The following VPS8 variants were observed in gnomAD, a reference collection of about 807,000 sequenced individuals.
VPS8 encodes the protein vacuolar protein sorting-associated protein 8 homolog.
VPS8 carries 129 observed loss-of-function variants against 216.4 expected under a neutral mutation model. That is an observed-to-expected ratio of 0.60 (90% CI 0.52 to 0.69). VPS8 has a LOEUF of 0.69. VPS8 is among the 30% of genes least tolerant of loss of function. The probability of loss-of-function intolerance (pLI) is 0.00; values close to 1 mark genes in which losing one functional copy is unlikely to be tolerated. For synonymous variants in VPS8, 571 were observed against 565.4 expected (o/e 1.01, Z -0.14); for missense variants, 1,531 against 1,683.5 (o/e 0.91, Z 1.59).
At chr3:184,964,817 A>C (rs1393291019) in intron 38 of VPS8, among the ~76,000 whole-genome samples, 7 of 152,182 alleles carry the variant, frequency 4.6e-5, no homozygotes, top group Admixed American at 4.6e-4. Flanking sequence ...TATATACCAC[A>C]ATCTGTTTGC....
chr3:184,930,725 A>T lies in VPS8; in HGVS notation c.2898+157A>T, dbSNP rs150358568. 9.4e-4 allele frequency among the ~76,000 whole-genome samples: 143 copies of T among 152,360 alleles called. 1 individual carries two copies. The highest frequency in any genetic ancestry group is 3.3e-3 in the African/African-American group (138 of 41,596). Reference sequence around the variant, plus strand: ...ATTATTCTACCTCATATTTGTATTCATAAAGTCTGTGTCACATGCAATCTA... The same window carrying T: ...ATTATTCTACCTCATATTTGTATTCTTAAAGTCTGTGTCACATGCAATCTA... On this transcript the variant is annotated intron_variant, in intron 34 of 47. Coordinates refer to ENST00000625842, the MANE Select transcript of VPS8 (RefSeq NM_001009921.3).
At chr3:185,025,081 C>G (rs115070696) in intron 46 of VPS8, among the ~76,000 whole-genome samples, 25 of 152,230 alleles carry the variant, frequency 1.6e-4, no homozygotes, top group African/African-American at 5.8e-4. Flanking sequence ...GAGATAGTAA[C>G]AGCACATAAG....
intron 22 of VPS8, among the ~76,000 whole-genome samples, chr3:184,891,643 C>A (rs762481277): frequency 6.6e-6 from 1 of 152,070 alleles, no homozygotes; most frequent in Admixed American, 6.5e-5. Flanking sequence ...GAAATCTTTA[C>A]GAACTGTGGT....
At chr3:184,828,181 C>T (rs1223457440) in intron 3 of VPS8, among the ~76,000 whole-genome samples, 1 of 152,030 alleles carries the variant, frequency 6.6e-6, no homozygotes, top group African/African-American at 2.4e-5. Context: ...ACTCCATCGC[C>T]CAGGCTGTAG....
chr3:184,950,401 A>G (rs929705423), intron 36 of VPS8, among the ~76,000 whole-genome samples: 2 of 151,636 alleles, frequency 1.3e-5, no homozygotes, highest in African/African-American at 4.9e-5. Context: ...CCTAAATTGT[A>G]AAAGCAATAT....
At chr3:185,011,189 C>A (rs1175773364) in intron 45 of VPS8, among the ~76,000 whole-genome samples, 1 of 151,632 alleles carries the variant, frequency 6.6e-6, no homozygotes, top group Non-Finnish European at 1.5e-5. Context: ...AGTAGATGAC[C>A]TTTTTGCTAA....
At chr3:184,958,369 G>T (rs1385786784) in intron 37 of VPS8, among the ~76,000 whole-genome samples, 1 of 152,154 alleles carries the variant, frequency 6.6e-6, no homozygotes, top group Non-Finnish European at 1.5e-5. Flanking sequence ...TTTAATAAAA[G>T]ACATTTCTAT....
rs1578152838 is a variant in VPS8, at chr3:184,900,927, T to G, written c.2101T>G (p.Phe701Val). ...NEFISPMEKL[F>V]RVIAPPLNAG... ...CCTATTAATTTTAATGCAGAAACTT[T>G]TCAGAGTCATTGCTCCTCCTCTGAA... The change falls in exon 25 of 48, where the codon TTC becomes GTC. Residue 701 changes from phenylalanine (F) to valine (V), a missense_variant. By Grantham distance (50) the Phe-to-Val change is conservative (BLOSUM62 -1). Coordinates refer to ENST00000625842, the MANE Select transcript of VPS8 (RefSeq NM_001009921.3). The G allele has an allele frequency of 2.0e-5, 32 of 1,604,554 alleles. No individual in the cohort carries two copies. The highest frequency in any genetic ancestry group is 2.7e-5 in the Non-Finnish European group (32 of 1,177,764).
At chr3:185,030,133 A>G (rs545772245) in intron 46 of VPS8, among the ~76,000 whole-genome samples, 15 of 152,262 alleles carry the variant, frequency 9.9e-5, no homozygotes, top group African/African-American at 3.1e-4. Flanking sequence ...ACCCATTGCA[A>G]TGAACTCCCC....
At chr3:184,968,756 TCCTGAAGA>T (rs1747837129) in intron 39 of VPS8, among the ~76,000 whole-genome samples, 1 of 152,200 alleles carries the variant, frequency 6.6e-6, no homozygotes, top group Admixed American at 6.5e-5. Context: ...AAAACAGCCC[TCCTGAAGA>T]TCAGGGAATC....
In VPS8 at chr3:184,893,307, A is replaced by G. The variant is rs965315438; in HGVS notation, c.1782-1396A>G. ...TGATGTTTTTGTGGAACTTGTCATG[A>G]AAGACCATACCTGTGAATAAATAAA... is the stretch of plus-strand genomic sequence containing the variant. On this transcript the variant is annotated intron_variant, in intron 22 of 47. Coordinates refer to ENST00000625842, the MANE Select transcript of VPS8 (RefSeq NM_001009921.3). The G allele has an allele frequency of 5.4e-6, 7 of 1,287,228 alleles. No individual in the cohort carries two copies. In the African/African-American group the frequency reaches 9.1e-5, roughly 17 times the overall value. 79.7% of individuals were successfully genotyped at this position (1,287,228 alleles called of 1,614,324 possible).
chr3:184,874,153 A>G (rs190993300), intron 21 of VPS8, among the ~76,000 whole-genome samples: 4 of 152,080 alleles, frequency 2.6e-5, no homozygotes, highest in African/African-American at 9.6e-5. Flanking sequence ...CCTTGAATTC[A>G]TCTCAAAACA....
At chr3:184,895,876 C>T (rs571961434) in intron 23 of VPS8, among the ~76,000 whole-genome samples, 4 of 151,042 alleles carry the variant, frequency 2.6e-5, no homozygotes, top group Non-Finnish European at 4.4e-5. Flanking sequence ...TCAAGTGATT[C>T]GCCTGCCGTG....
At chr3:184,875,434 G>T (rs1729080091) in intron 21 of VPS8, among the ~76,000 whole-genome samples, 1 of 152,020 alleles carries the variant, frequency 6.6e-6, no homozygotes, top group Non-Finnish European at 1.5e-5. Flanking sequence ...TCTGAGAAAA[G>T]ATTTCAACCT....
In VPS8 at chr3:184,999,799, A is replaced by G; in HGVS notation, c.3940A>G (p.Lys1314Glu). 6.2e-7 allele frequency: 1 copy of G among 1,613,080 alleles called. No homozygotes were observed. Among genetic ancestry groups the G allele is most frequent in the Non-Finnish European group, 8.5e-7 (1 of 1,179,526 alleles). Residue 1314 changes from lysine (K) to glutamate (E), a missense_variant, in exon 45 of 48, where the codon AAA (lysine) becomes GAA (glutamate). Lys to Glu is a moderately conservative substitution (Grantham distance 56). Around this residue, in one of 3 missense-constraint regions of VPS8, gnomAD observed 1,318 missense variants for 1,468.4 expected, o/e 0.90. Transcript: ENST00000625842. Reference protein sequence around the residue: ...WTCYKCSSSNKVGKLSENSSE... With the variant: ...WTCYKCSSSNEVGKLSENSSE... The stretch of plus-strand genomic sequence containing the variant: ...ATGCTACAAATGCAGTTCAAGTAAC[A>G]AAGTAGGAAAACTCAGTGAAAATTC...
intron 23 of VPS8, among the ~76,000 whole-genome samples, chr3:184,896,799 T>C (rs1283062299): frequency 1.3e-5 from 2 of 152,186 alleles, no homozygotes; most frequent in African/African-American, 4.8e-5. Context: ...AGTATTTCAA[T>C]ACAAGTATTA....
chr3:184,919,987 G>A (rs1352386063), intron 28 of VPS8, 140 bp from the exon 29 acceptor site: 2 of 576,284 alleles, frequency 3.5e-6, no homozygotes, highest in Non-Finnish European at 6.1e-6. Flanking sequence ...GTCACGCAAG[G>A]TGTATAAGAC....
At chr3:184,848,948 G>T in intron 8 of VPS8, 123 bp from the exon 9 acceptor site, 5 of 972,142 alleles carry the variant, frequency 5.1e-6, no homozygotes, top group Non-Finnish European at 6.1e-6. Flanking sequence ...AAAAATGAAT[G>T]TGACTTCATT....
intron 2 of VPS8, 135 bp from the exon 3 acceptor site, chr3:184,826,028 C>A: frequency 1.6e-6 from 1 of 621,642 alleles, no homozygotes; most frequent in Non-Finnish European, 2.8e-6. Flanking sequence ...TTGATTATTA[C>A]TGTGGATTTT....
Sources: allele counts gnomAD v4.1 joint callset (sites outside exome capture counted in the v4.1 genomes callset), GRCh38; gene constraint gnomAD v4.1.1; regional missense constraint gnomAD v4.1.1; transcripts MANE v1.5; gene names NCBI Gene and HGNC (gene_info 2026-07-23, HGNC 2026-07-21).